DEPDC1B: variants seen among roughly 807,000 people sequenced by gnomAD.
The protein encoded by DEPDC1B is DEP domain containing 1B.
DEPDC1B carries 51 observed loss-of-function variants against 66.5 expected under a neutral mutation model. The observed-to-expected ratio is 0.77, with a 90% CI of 0.61 to 0.97. The LOEUF is 0.97. DEPDC1B is among the 50% of genes least tolerant of loss of function. The pLI, the probability that DEPDC1B is intolerant of heterozygous loss-of-function variation, is 0.00. For synonymous variants in DEPDC1B, 226 were observed against 223.6 expected (o/e 1.01, Z -0.10); for missense variants, 552 against 637.1 (o/e 0.87, Z 1.44).
intron 7 of DEPDC1B, among the ~76,000 whole-genome samples, chr5:60,621,323 ATAAAAT>A (rs1173588307): frequency 6.6e-6 from 1 of 151,874 alleles, no homozygotes; most frequent in Non-Finnish European, 1.5e-5. Context: ...AAAAATAAAA[ATAAAAT>A]GTGGCACATA....
intron 2 of DEPDC1B, among the ~76,000 whole-genome samples, chr5:60,652,553 CA>C (rs1414636905): frequency 2.0e-5 from 3 of 149,024 alleles, no homozygotes; most frequent in Non-Finnish European, 2.9e-5. Flanking sequence ...CCCCCTATCC[CA>C]TCATGGCTAG....
At chr5:60,674,266 T>C (rs925852168) in intron 2 of DEPDC1B, among the ~76,000 whole-genome samples, 3 of 152,098 alleles carry the variant, frequency 2.0e-5, no homozygotes, top group Non-Finnish European at 2.9e-5. Flanking sequence ...GATTTGAAAT[T>C]ATCATGAGTT....
chr5:60,673,347 T>A (rs1754088436), intron 2 of DEPDC1B, among the ~76,000 whole-genome samples: 1 of 152,164 alleles, frequency 6.6e-6, no homozygotes, highest in Non-Finnish European at 1.5e-5. Flanking sequence ...ATCAAAAGTG[T>A]TTAGCACCAT....
At chr5:60,675,911 T>TTTTTTTG (rs1392104105) in intron 2 of DEPDC1B, among the ~76,000 whole-genome samples, 1 of 151,684 alleles carries the variant, frequency 6.6e-6, no homozygotes, top group Admixed American at 6.6e-5. Context: ...TTCTTTTTTT[T>TTTTTTTG]TTTTTTGTTT....
At chr5:60,654,722 C>T (rs908912353) in intron 2 of DEPDC1B, among the ~76,000 whole-genome samples, 1 of 148,750 alleles carries the variant, frequency 6.7e-6, no homozygotes, top group Non-Finnish European at 1.5e-5. Context: ...AGGGGGAATG[C>T]TTTCCACTTT....
chr5:60,661,708 A>G (rs1210067823), intron 2 of DEPDC1B, among the ~76,000 whole-genome samples: 1 of 152,212 alleles, frequency 6.6e-6, no homozygotes, highest in Non-Finnish European at 1.5e-5. Flanking sequence ...AAGTGCCGCC[A>G]TAACTGCAGC....
chr5:60,692,703 T>TC (rs1347316605), intron 1 of DEPDC1B, among the ~76,000 whole-genome samples: 1 of 151,932 alleles, frequency 6.6e-6, no homozygotes, highest in Non-Finnish European at 1.5e-5. Context: ...ATATATATGC[T>TC]CCCCAAAAGA....
At chr5:60,684,170 T>C (rs1406255092) in intron 2 of DEPDC1B, among the ~76,000 whole-genome samples, 1 of 152,104 alleles carries the variant, frequency 6.6e-6, no homozygotes, top group Admixed American at 6.6e-5. Context: ...AAAATGACCA[T>C]ACTACCCAAA....
intron 2 of DEPDC1B, among the ~76,000 whole-genome samples, chr5:60,665,014 G>A (rs562877282): frequency 3.3e-5 from 5 of 152,116 alleles, no homozygotes; most frequent in Admixed American, 2.0e-4. Context: ...GAAGGGAACC[G>A]CCAAGTGGAT....
chr5:60,619,225 G>C (rs2111776404), intron 7 of DEPDC1B, among the ~76,000 whole-genome samples: 1 of 152,280 alleles, frequency 6.6e-6, no homozygotes, highest in East Asian at 1.9e-4. Flanking sequence ...TTGAAAACTG[G>C]CACAAGACAG....
At chr5:60,692,952 T>C (rs777116609) in intron 1 of DEPDC1B, among the ~76,000 whole-genome samples, 4 of 152,098 alleles carry the variant, frequency 2.6e-5, no homozygotes, top group African/African-American at 4.8e-5. Flanking sequence ...CGATCCATGA[T>C]ATTTAAAATA....
chr5:60,698,890 T>A (rs1028227817), intron 1 of DEPDC1B, among the ~76,000 whole-genome samples: 2 of 152,170 alleles, frequency 1.3e-5, no homozygotes, highest in Admixed American at 1.3e-4. Flanking sequence ...GGTCTCGAAC[T>A]CCTGACCTCA....
chr5:60,674,033 T>C (rs2111993188), intron 2 of DEPDC1B, among the ~76,000 whole-genome samples: 1 of 151,804 alleles, frequency 6.6e-6, no homozygotes, highest in East Asian at 1.9e-4. Context: ...ATTCAAAAAA[T>C]TGCAAACTCA....
At chr5:60,694,176 T>A (rs1754607206) in intron 1 of DEPDC1B, among the ~76,000 whole-genome samples, 1 of 152,176 alleles carries the variant, frequency 6.6e-6, no homozygotes, top group South Asian at 2.1e-4. Flanking sequence ...AGACAGAATT[T>A]TTCCTTTGTA....
rs752206726 is a variant in DEPDC1B at position 60,645,615 on chromosome 5, G to T, written c.455C>A (p.Ser152Tyr). 3.7e-6 allele frequency: 6 copies of T among 1,607,120 alleles called. No individual in the cohort carries two copies. The Admixed American group carries it at 1.0e-4, about 27-fold the overall frequency. The change falls in exon 4 of 11, where the codon TCT (serine) becomes TAT (tyrosine). Residue 152 changes from serine to tyrosine, a missense_variant. Physicochemically the swap from Ser to Tyr is moderately radical, Grantham distance 144 (BLOSUM62 -2). Coordinates refer to ENST00000265036, the MANE Select transcript of DEPDC1B (RefSeq NM_018369.3). The part of the protein sequence containing the change: ...NIPVRPVVMN[S>Y]EMWYKRHSIA... ...ACTGTGACGCTTGTACCACATCTCA[G>T]AATTCTAATGGAGGGGGGATGTAAG...
chr5:60,662,387 C>CA (rs879473828), intron 2 of DEPDC1B, among the ~76,000 whole-genome samples: 210 of 136,002 alleles, frequency 1.5e-3, no homozygotes, highest in Middle Eastern at 7.2e-3. Flanking sequence ...GACTCCGTCT[C>CA]AAAAAAAAAA....
chr5:60,662,818 T>A (rs555444450), intron 2 of DEPDC1B, among the ~76,000 whole-genome samples: 97 of 152,198 alleles, frequency 6.4e-4, no homozygotes, highest in African/African-American at 2.1e-3. Flanking sequence ...GCCCATGCCA[T>A]CACCCTCACA....
Position 60,603,371 on chromosome 5 carries a change from G to A in DEPDC1B, c.1242+20C>T, listed in dbSNP as rs1200791377. 1 of 1,524,816 alleles carries A rather than the reference G, an allele frequency of 6.6e-7. No homozygotes were observed. Among genetic ancestry groups the A allele is most frequent in the East Asian group, 2.3e-5 (1 of 43,004 alleles). The allele number at this position is 1,524,816 out of a possible 1,614,324, so 94.5% of individuals were successfully genotyped here. A position where few individuals can be genotyped will look rare whatever the true frequency, so the allele number is the denominator to read the frequency against. On this transcript the variant is annotated intron_variant, in intron 9 of 10. Coordinates refer to ENST00000265036, the MANE Select transcript of DEPDC1B (RefSeq NM_018369.3). ...TTTATATTGCCAATTTCATAGAACT[G>A]ATAATATCCTCTCCTTTACCTGGAC...
At chr5:60,677,271 A>G (rs936378076) in intron 2 of DEPDC1B, among the ~76,000 whole-genome samples, 3 of 150,500 alleles carry the variant, frequency 2.0e-5, no homozygotes, top group Admixed American at 6.6e-5. Flanking sequence ...TGATTCTGCT[A>G]AGTAGCAGAA....
Sources: gnomAD v4.1 joint callset for allele counts (sites outside exome capture counted in the v4.1 genomes callset) on GRCh38, gnomAD v4.1.1 for gene constraint, MANE v1.5 for transcripts, NCBI Gene and HGNC (gene_info 2026-07-23, HGNC 2026-07-21) for gene names.